The following PTPRD variants were observed in gnomAD, a reference collection of about 807,000 sequenced individuals.
PTPRD encodes receptor-type tyrosine-protein phosphatase delta.
PTPRD carries 34 observed loss-of-function variants against 214.5 expected under a neutral mutation model. The observed-to-expected ratio is 0.16, with a 90% CI of 0.12 to 0.21. The LOEUF (loss-of-function observed/expected upper bound fraction) is 0.21. Ranked by LOEUF, PTPRD falls within the 10% of genes least tolerant of loss-of-function variation. The pLI is 1.00. For missense variants in PTPRD, 2,545 were observed against 2,398.7 expected, an observed-to-expected ratio of 1.06 and a Z score of -1.27; for synonymous variants, 1,128 against 845.7, an observed-to-expected ratio of 1.33 and a Z score of -5.79.
At chr9:9,494,612 C>G (rs957746656) in intron 8 of PTPRD, among the ~76,000 whole-genome samples, 1 of 152,098 alleles carries the variant, frequency 6.6e-6, no homozygotes, top group African/African-American at 2.4e-5. Flanking sequence ...ACTTGGGAAT[C>G]AAGGAGGTGG....
chr9:9,414,895 C>T (rs1439387517), intron 8 of PTPRD: 1 of 152,150 alleles, frequency 6.6e-6, no homozygotes, highest in African/African-American at 2.4e-5. Flanking sequence ...AGATAATTAC[C>T]TGCTGGCCAA....
chr9:10,062,560 C>T (rs1429117806), intron 3 of PTPRD, among the ~76,000 whole-genome samples: 5 of 152,018 alleles, frequency 3.3e-5, no homozygotes, highest in Admixed American at 3.3e-4. Context: ...TAGCCAAGAT[C>T]ACTCCATCGT....
At chr9:10,232,155 G>A (rs146967706) in intron 3 of PTPRD, among the ~76,000 whole-genome samples, 1 of 151,902 alleles carries the variant, frequency 6.6e-6, no homozygotes, top group East Asian at 2.0e-4. Flanking sequence ...CAGAAGCTGA[G>A]GAGATGACAG....
chr9:9,983,247 T>C (rs2095604599), intron 4 of PTPRD, among the ~76,000 whole-genome samples: 1 of 152,176 alleles, frequency 6.6e-6, no homozygotes, highest in Non-Finnish European at 1.5e-5. Context: ...GAGTTCATGG[T>C]GGCAGTAGCA....
intron 7 of PTPRD, among the ~76,000 whole-genome samples, chr9:9,623,198 T>G (rs2095307313): frequency 6.6e-6 from 1 of 152,228 alleles, no homozygotes; most frequent in African/African-American, 2.4e-5. Flanking sequence ...ATATTGTTTT[T>G]GTATTTTTCT....
At position 9,751,049 on chromosome 9, in the gene PTPRD, C is replaced by A. The variant is rs967305282; in HGVS notation, c.-326+15761G>T. Among the ~76,000 whole-genome samples the A allele has an allele frequency of 2.0e-5, 3 of 152,114 alleles. 1 individual carries two copies. Among genetic ancestry groups the A allele is most frequent in the Admixed American group, 1.3e-4 (2 of 15,244 alleles). On this transcript the variant is annotated intron_variant, in intron 6 of 45. Transcript: ENST00000381196. ...TTACACGACTTCAGAATGTTCGTGG[C>A]CTCTCCTGCCACAGCAGACAGGTTC...
chr9:10,517,330 G>A (rs745840249), intron 2 of PTPRD, among the ~76,000 whole-genome samples: 7 of 151,876 alleles, frequency 4.6e-5, no homozygotes, highest in Non-Finnish European at 7.4e-5. Context: ...AGGTGCTATG[G>A]TAAATGGGAT....
At chr9:10,230,486 A>G (rs1594849200) in intron 3 of PTPRD, among the ~76,000 whole-genome samples, 1 of 143,968 alleles carries the variant, frequency 6.9e-6, no homozygotes, top group South Asian at 2.2e-4. Context: ...CTGTCTATCT[A>G]CCTATCCATC....
At chr9:8,612,101 TGAAAA>T (rs1412703297) in intron 14 of PTPRD, among the ~76,000 whole-genome samples, 3 of 147,402 alleles carry the variant, frequency 2.0e-5, no homozygotes, top group East Asian at 2.0e-4. Context: ...CAAGACCTTG[TGAAAA>T]GAAAAGAAAA....
At chr9:8,535,713 CA>C (rs761250230) in intron 14 of PTPRD, among the ~76,000 whole-genome samples, 34 of 151,894 alleles carry the variant, frequency 2.2e-4, no homozygotes, top group Middle Eastern at 3.4e-3. Flanking sequence ...GCCAAGAAGT[CA>C]GAGTTTTGTT....
chr9:9,273,569 G>A (rs1569566498), intron 9 of PTPRD, among the ~76,000 whole-genome samples: 1 of 151,270 alleles, frequency 6.6e-6, no homozygotes, highest in Non-Finnish European at 1.5e-5. Context: ...AGAGAACTGT[G>A]AAAACATTTT....
At chr9:10,229,905 T>A (rs1297831051) in intron 3 of PTPRD, among the ~76,000 whole-genome samples, 1 of 151,988 alleles carries the variant, frequency 6.6e-6, no homozygotes, top group Non-Finnish European at 1.5e-5. Flanking sequence ...ACAAAGATCC[T>A]TTTTAATTCC....
intron 7 of PTPRD, among the ~76,000 whole-genome samples, chr9:9,630,238 C>T (rs1357654284): frequency 6.6e-6 from 1 of 152,176 alleles, no homozygotes; most frequent in Non-Finnish European, 1.5e-5. Context: ...TTGGAGGTTG[C>T]CACCATTTTC....
At chr9:9,829,341 A>G (rs752879982) in intron 5 of PTPRD, among the ~76,000 whole-genome samples, 1 of 151,850 alleles carries the variant, frequency 6.6e-6, no homozygotes, top group Non-Finnish European at 1.5e-5. Context: ...AAATATATCA[A>G]ATAAAACAAG....
At chr9:8,973,015 A>G (rs1589130630) in intron 11 of PTPRD, among the ~76,000 whole-genome samples, 2 of 151,860 alleles carry the variant, frequency 1.3e-5, no homozygotes, top group East Asian at 3.9e-4. Context: ...AGGGAGAAAA[A>G]AAAAAAACAC....
At chr9:9,989,381 G>C (rs929721587) in intron 4 of PTPRD, among the ~76,000 whole-genome samples, 1 of 152,172 alleles carries the variant, frequency 6.6e-6, no homozygotes, top group Admixed American at 6.5e-5. Flanking sequence ...TCCACTGGTA[G>C]AGGAGCAGAG....
chr9:10,594,189 C>T (rs373910271), intron 2 of PTPRD, among the ~76,000 whole-genome samples: 15 of 152,044 alleles, frequency 9.9e-5, no homozygotes, highest in African/African-American at 3.6e-4. Context: ...ACTATAATTA[C>T]AGAGGACACT....
At chr9:10,355,767 C>G (rs576607809) in intron 2 of PTPRD, among the ~76,000 whole-genome samples, 1 of 152,040 alleles carries the variant, frequency 6.6e-6, no homozygotes, top group Non-Finnish European at 1.5e-5. Flanking sequence ...CGTGAGCCAC[C>G]GCGGCCGGCC....
At chr9:10,189,936 C>T (rs1020282914) in intron 3 of PTPRD, among the ~76,000 whole-genome samples, 23 of 151,892 alleles carry the variant, frequency 1.5e-4, no homozygotes, top group African/African-American at 5.1e-4. Flanking sequence ...GAAGAGAAAG[C>T]AAGAGGATGT....
Sources: allele counts gnomAD v4.1 joint callset (sites outside exome capture counted in the v4.1 genomes callset), GRCh38; gene constraint gnomAD v4.1.1; transcripts MANE v1.5; gene names NCBI Gene and HGNC (gene_info 2026-07-23, HGNC 2026-07-21).